The following ADGRB3 variants were observed in gnomAD, a reference collection of about 807,000 sequenced individuals.
ADGRB3 encodes brain-specific angiogenesis inhibitor 3.
ADGRB3 carries 37 observed loss-of-function variants against 193.4 expected under a neutral mutation model. That is an observed-to-expected ratio of 0.19 (90% CI 0.15 to 0.25). The LOEUF is 0.25. ADGRB3 is among the 10% of genes least tolerant of loss of function. The pLI, the probability that ADGRB3 is intolerant of heterozygous loss-of-function variation, is 1.00. For missense variants in ADGRB3, 1,637 were observed against 1,852.9 expected (o/e 0.88, Z 2.14); for synonymous variants, 690 against 644.2 (o/e 1.07, Z -1.08).
intron 13 of ADGRB3, among the ~76,000 whole-genome samples, chr6:69,046,899 C>G (rs1216275994): frequency 6.6e-6 from 1 of 152,064 alleles, no homozygotes. Context: ...GCTCTGTTGC[C>G]CAGGCTGGAG....
chr6:69,307,051 A>G (rs1275997049), intron 20 of ADGRB3, among the ~76,000 whole-genome samples: 1 of 151,288 alleles, frequency 6.6e-6, no homozygotes, highest in Non-Finnish European at 1.5e-5. Context: ...ACGTTATAGT[A>G]GCTTCATTTA....
At chr6:68,690,035 G>A (rs1765044785) in intron 3 of ADGRB3, among the ~76,000 whole-genome samples, 1 of 152,126 alleles carries the variant, frequency 6.6e-6, no homozygotes, top group Non-Finnish European at 1.5e-5. Context: ...TGTGTCTGTG[G>A]TTATAGGTGT....
chr6:68,821,759 G>T (rs765785598), intron 3 of ADGRB3, among the ~76,000 whole-genome samples: 2 of 151,368 alleles, frequency 1.3e-5, no homozygotes, highest in African/African-American at 4.9e-5. Context: ...AACTTTTGTG[G>T]TATTAATTAA....
intron 20 of ADGRB3, among the ~76,000 whole-genome samples, chr6:69,278,884 A>G (rs1460596449): frequency 6.6e-6 from 1 of 151,708 alleles, no homozygotes; most frequent in African/African-American, 2.4e-5. Flanking sequence ...GAGGAACATG[A>G]TCACTATATT....
Position 69,316,041 on chromosome 6 carries a change from A to G in ADGRB3, c.2815-8831A>G, listed in dbSNP as rs545198104. On this transcript the variant is annotated intron_variant, in intron 20 of 31. Transcript: ENST00000370598. Reference sequence around the variant, plus strand: ...TATTTTATATCCCATTAATTTTTTTATATAATCTTTCTGTCATAACAAACA... The same window carrying G: ...TATTTTATATCCCATTAATTTTTTTGTATAATCTTTCTGTCATAACAAACA... Among the ~76,000 whole-genome samples, 5 of 151,384 alleles carry G rather than the reference A, an allele frequency of 3.3e-5. No homozygotes were observed. The South Asian group carries it at 1.0e-3, about 31-fold the overall frequency.
At chr6:69,141,133 G>T (rs374213951) in intron 17 of ADGRB3, among the ~76,000 whole-genome samples, 1 of 129,148 alleles carries the variant, frequency 7.7e-6, no homozygotes, top group African/African-American at 2.9e-5. Flanking sequence ...TTTTTTGGGG[G>T]GGGCGGTGGG....
At chr6:69,256,535 A>G (rs1484009886) in intron 20 of ADGRB3, among the ~76,000 whole-genome samples, 1 of 151,814 alleles carries the variant, frequency 6.6e-6, no homozygotes, top group Non-Finnish European at 1.5e-5. Flanking sequence ...AATGCTTGTG[A>G]TTTTTGTACA....
At chr6:68,762,040 A>C (rs548653051) in intron 3 of ADGRB3, among the ~76,000 whole-genome samples, 1 of 152,298 alleles carries the variant, frequency 6.6e-6, no homozygotes, top group Non-Finnish European at 1.5e-5. Flanking sequence ...AATATATACA[A>C]ATATTCAGAT....
chr6:68,945,314 T>G (rs1767745711), intron 6 of ADGRB3, among the ~76,000 whole-genome samples: 1 of 152,138 alleles, frequency 6.6e-6, no homozygotes, highest in Non-Finnish European at 1.5e-5. Flanking sequence ...TGAGTTAATA[T>G]TCATACAATT....
rs541222495 is a variant in ADGRB3 at position 69,177,593 on chromosome 6, G to T, written c.2481-55697G>T. On this transcript the variant is annotated intron_variant, in intron 17 of 31. Transcript: ENST00000370598. ...GATCTCTTGACCTCGTGATCCACCCGCCTTGGCCTCCCAAAGTGCTGGGAT... is the reference window on the plus strand; with the variant it reads ...GATCTCTTGACCTCGTGATCCACCCTCCTTGGCCTCCCAAAGTGCTGGGAT... 2.6e-5 allele frequency among the ~76,000 whole-genome samples: 4 copies of T among 152,162 alleles called. No individual in the cohort carries two copies. The South Asian group carries it at 6.2e-4, about 24-fold the overall frequency.
chr6:68,859,421 A>T lies in ADGRB3; in HGVS notation c.758-71138A>T, dbSNP rs997345439. Among the ~76,000 whole-genome samples, 9 of 152,058 alleles carry T rather than the reference A, an allele frequency of 5.9e-5. No individual in the cohort carries two copies. The East Asian group carries it at 1.4e-3, about 23-fold the overall frequency. ...TTGGGTATCTTTTCAGCAACACCCC[A>T]CTCCTGGTACCAATTTACTGTATTC... On this transcript the variant is annotated intron_variant, in intron 3 of 31. Transcript: ENST00000370598.
intron 17 of ADGRB3, among the ~76,000 whole-genome samples, chr6:69,192,745 T>C (rs774057967): frequency 5.3e-5 from 8 of 152,186 alleles, no homozygotes; most frequent in Admixed American, 2.6e-4. Flanking sequence ...ATAAAACTTA[T>C]CTGTGTTTTT....
At chr6:68,750,343 G>T (rs1359024889) in intron 3 of ADGRB3, among the ~76,000 whole-genome samples, 1 of 152,088 alleles carries the variant, frequency 6.6e-6, no homozygotes, top group Non-Finnish European at 1.5e-5. Flanking sequence ...CGGGGATAGG[G>T]TGAATTTTCA....
intron 3 of ADGRB3, among the ~76,000 whole-genome samples, chr6:68,754,989 TG>T (rs1766272367): frequency 6.6e-6 from 1 of 152,058 alleles, no homozygotes. Flanking sequence ...ACTGAGAACT[TG>T]GGATGGGTGC....
At chr6:69,204,480 A>G (rs1765494713) in intron 17 of ADGRB3, among the ~76,000 whole-genome samples, 1 of 152,280 alleles carries the variant, frequency 6.6e-6, no homozygotes, top group African/African-American at 2.4e-5. Flanking sequence ...GCCAGTCTCA[A>G]AAATCACTCA....
At chr6:68,901,432 A>G (rs1766391357) in intron 3 of ADGRB3, among the ~76,000 whole-genome samples, 2 of 152,136 alleles carry the variant, frequency 1.3e-5, no homozygotes, top group Non-Finnish European at 2.9e-5. Context: ...TTATAACCCA[A>G]TCATCATTAC....
rs896108949 is a variant in ADGRB3, at chr6:69,172,370, G to T, written c.2481-60920G>T. 2.7e-4 allele frequency among the ~76,000 whole-genome samples: 41 copies of T among 151,820 alleles called. 1 individual carries two copies. The highest frequency in any genetic ancestry group is 9.7e-4 in the African/African-American group (40 of 41,338). Reference sequence around the variant, plus strand: ...TAATAAAGAAATAAACAGGCCAGGCGCAGTGGCTCACGCCTGTAATCCCAG... The same window carrying T: ...TAATAAAGAAATAAACAGGCCAGGCTCAGTGGCTCACGCCTGTAATCCCAG... On this transcript the variant is annotated intron_variant, in intron 17 of 31. Coordinates refer to ENST00000370598, the MANE Select transcript of ADGRB3 (RefSeq NM_001704.3).
intron 17 of ADGRB3, among the ~76,000 whole-genome samples, chr6:69,212,860 T>A (rs1765696740): frequency 6.6e-6 from 1 of 152,192 alleles, no homozygotes; most frequent in Admixed American, 6.5e-5. Context: ...CTGTGATACC[T>A]CTTTTCAGCA....
intron 3 of ADGRB3, among the ~76,000 whole-genome samples, chr6:68,792,980 T>A (rs1279520685): frequency 6.6e-6 from 1 of 152,176 alleles, no homozygotes; most frequent in Non-Finnish European, 1.5e-5. Context: ...TTTTACTGTT[T>A]GTTTGTCTGT....
Sources: allele counts gnomAD v4.1 joint callset (sites outside exome capture counted in the v4.1 genomes callset), GRCh38; gene constraint gnomAD v4.1.1; transcripts MANE v1.5; gene names NCBI Gene and HGNC (gene_info 2026-07-23, HGNC 2026-07-21).